CACNA1A: variants seen among roughly 807,000 people sequenced by gnomAD.
The protein encoded by CACNA1A is voltage-dependent P/Q-type calcium channel subunit alpha-1A.
A neutral mutation model predicts 262.4 loss-of-function variants in CACNA1A; 57 were observed. The ratio of observed to expected loss-of-function variants is 0.22; its 90% CI spans 0.18 to 0.27. The LOEUF is 0.27. Among genes scored for constraint, CACNA1A ranks in the 10% least tolerant of loss-of-function variants. The probability of loss-of-function intolerance (pLI) is 1.00; values close to 1 mark genes in which losing one functional copy is unlikely to be tolerated. For synonymous variants in CACNA1A, 1,431 were observed against 1,419.3 expected (o/e 1.01, Z -0.18); for missense variants, 2,526 against 3,562.8 (o/e 0.71, Z 7.41).
At position 13,212,035 on chromosome 19, in the gene CACNA1A, G is replaced by T. The variant is rs553463202; in HGVS notation, c.6303+68C>A. 3.3e-5 allele frequency: 38 copies of T among 1,138,844 alleles called. No individual in the cohort carries two copies. Among genetic ancestry groups the T allele is most frequent in the East Asian group, 3.1e-4 (13 of 41,956 alleles). 70.5% of individuals were successfully genotyped at this position (1,138,844 alleles called of 1,614,324 possible). A position where few individuals can be genotyped will look rare whatever the true frequency, so the allele number is the denominator to read the frequency against. ...GGAGGGGATGCACTGGGCTGCTTGTGGGGGGGCCTGGCCCTACCCAGTGCA... is the reference window on the plus strand; with the variant it reads ...GGAGGGGATGCACTGGGCTGCTTGTTGGGGGGCCTGGCCCTACCCAGTGCA... On this transcript the variant is annotated intron_variant, in intron 43 of 46. Coordinates refer to ENST00000360228, the MANE Select transcript of CACNA1A (RefSeq NM_001127222.2). The surrounding 1 kb of genome is among the most constrained non-coding windows in gnomAD (Gnocchi z 5.6).
At chr19:13,414,683 T>G (rs531274347) in intron 3 of CACNA1A, among the ~76,000 whole-genome samples, 3 of 151,836 alleles carry the variant, frequency 2.0e-5, no homozygotes, top group Admixed American at 1.3e-4. Context: ...CTCTGCCGGG[T>G]GTGGTGGCTC....
intron 3 of CACNA1A, among the ~76,000 whole-genome samples, chr19:13,390,405 C>T (rs868005508): frequency 3.9e-5 from 6 of 152,118 alleles, no homozygotes; most frequent in African/African-American, 1.2e-4. Context: ...AGCCACTGCA[C>T]CCAGACCCTC....
At chr19:13,334,895 A>G (rs932190113) in intron 7 of CACNA1A, among the ~76,000 whole-genome samples, 2 of 151,962 alleles carry the variant, frequency 1.3e-5, no homozygotes, top group African/African-American at 4.8e-5. Flanking sequence ...GTAGCTGGGC[A>G]TGGTGGCATA....
intron 6 of CACNA1A, among the ~76,000 whole-genome samples, chr19:13,340,704 GGTGTGA>G (rs2058664399): frequency 6.6e-6 from 1 of 152,180 alleles, no homozygotes; most frequent in Non-Finnish European, 1.5e-5. Context: ...TGGGATTACA[GGTGTGA>G]GCCATCACGC....
intron 17 of CACNA1A, among the ~76,000 whole-genome samples, chr19:13,301,772 C>A (rs559289375): frequency 6.6e-6 from 1 of 152,282 alleles, no homozygotes; most frequent in East Asian, 1.9e-4. Flanking sequence ...CGCTGTGCTC[C>A]GAATCACTGG....
At chr19:13,220,753 G>A (rs1427996120) in intron 38 of CACNA1A, among the ~76,000 whole-genome samples, 8 of 152,092 alleles carry the variant, frequency 5.3e-5, no homozygotes, top group Admixed American at 3.9e-4. Context: ...AGCCTCCCAA[G>A]TAGTTGGGAC....
chr19:13,237,095 C>G (rs894837469), intron 31 of CACNA1A, among the ~76,000 whole-genome samples: 1 of 152,194 alleles, frequency 6.6e-6, no homozygotes. Context: ...TCCCTGGAAG[C>G]AGGCCACATG....
chr19:13,471,189 C>T (rs1166127610), intron 1 of CACNA1A, among the ~76,000 whole-genome samples: 2 of 152,176 alleles, frequency 1.3e-5, no homozygotes, highest in African/African-American at 4.8e-5. Context: ...ATGACCTCAT[C>T]TCAATCCCTG....
At chr19:13,369,037 C>CAAA (rs71170503) in intron 4 of CACNA1A, among the ~76,000 whole-genome samples, 4 of 48,798 alleles carry the variant, frequency 8.2e-5, no homozygotes, top group Non-Finnish European at 1.3e-4. Context: ...GACTCCGTCT[C>CAAA]AAAAAAAAAA....
intron 28 of CACNA1A, among the ~76,000 whole-genome samples, chr19:13,255,993 CTTTTT>C (rs542786434): frequency 8.7e-6 from 1 of 115,364 alleles, no homozygotes; most frequent in South Asian, 3.2e-4. Context: ...TCCCTCCTTC[CTTTTT>C]TTTTTTTTTT....
intron 3 of CACNA1A, among the ~76,000 whole-genome samples, chr19:13,372,842 A>C (rs2059348309): frequency 1.3e-5 from 2 of 152,242 alleles, no homozygotes; most frequent in African/African-American, 4.8e-5. Flanking sequence ...CTGGTCAAAA[A>C]GAGTCCCTTT....
chr19:13,413,382 A>G (rs1198385873), intron 3 of CACNA1A, among the ~76,000 whole-genome samples: 1 of 149,610 alleles, frequency 6.7e-6, no homozygotes, highest in Non-Finnish European at 1.5e-5. Flanking sequence ...CTGGGATTAC[A>G]GGTGTGAGCC....
At chr19:13,442,444 A>G (rs2060740831) in intron 3 of CACNA1A, among the ~76,000 whole-genome samples, 1 of 152,162 alleles carries the variant, frequency 6.6e-6, no homozygotes, top group South Asian at 2.1e-4. Context: ...CTGCCCTCCA[A>G]CAGAGATGTA....
At chr19:13,481,664 C>T (rs1484437244) in intron 1 of CACNA1A, among the ~76,000 whole-genome samples, 2 of 151,986 alleles carry the variant, frequency 1.3e-5, no homozygotes, top group Non-Finnish European at 2.9e-5. Context: ...GTTAACATGC[C>T]CAGCTTCAAC....
At chr19:13,228,868 T>C in intron 36 of CACNA1A, 1 of 782,408 alleles carries the variant, frequency 1.3e-6, no homozygotes, top group Non-Finnish European at 2.1e-6. Flanking sequence ...AGCGAGGTCA[T>C]GATGCCCGAG....
intron 22 of CACNA1A, among the ~76,000 whole-genome samples, chr19:13,282,056 C>T (rs917069849): frequency 3.3e-5 from 5 of 152,232 alleles, no homozygotes; most frequent in Admixed American, 6.5e-5. Flanking sequence ...AACCAGGCTG[C>T]GGGAAGCAAC....
At chr19:13,297,301 T>C (rs1048990409) in intron 19 of CACNA1A, among the ~76,000 whole-genome samples, 8 of 152,200 alleles carry the variant, frequency 5.3e-5, no homozygotes, top group African/African-American at 1.9e-4. Context: ...TCTTAATAGT[T>C]TCCCTGAAAT....
At chr19:13,370,619 C>G (rs1409601597) in intron 4 of CACNA1A, among the ~76,000 whole-genome samples, 1 of 147,690 alleles carries the variant, frequency 6.8e-6, no homozygotes, top group African/African-American at 2.5e-5. Context: ...GACAGGGTTT[C>G]GCCATGTTGC....
rs1568545235 is a variant in CACNA1A, at chr19:13,334,551, G to GTGTGTT, written c.1083-59_1083-58insAACACA. ...GTTTTGAAAATGTTAGGAAACGTTT[G>GTGTGTT]TGTGTGTGTTTGTGTGTGTGTGTGT... On this transcript the variant is annotated intron_variant, in intron 7 of 46. Transcript: ENST00000360228. The GTGTGTT allele has an allele frequency of 8.2e-6, 5 of 607,550 alleles. No homozygotes were observed. In the African/African-American group the frequency reaches 1.6e-4, roughly 19 times the overall value. The allele number at this position is 607,550 out of a possible 1,614,324, so 37.6% of individuals were successfully genotyped here.
Sources: allele counts gnomAD v4.1 joint callset (sites outside exome capture counted in the v4.1 genomes callset), GRCh38; gene constraint gnomAD v4.1.1; non-coding constraint Gnocchi (gnomAD v3.1); transcripts MANE v1.5; gene names NCBI Gene and HGNC (gene_info 2026-07-23, HGNC 2026-07-21).